Variants in WSCD2 observed in about 807,000 individuals in gnomAD.
WSCD2 encodes the protein sialate:O-sulfotransferase 2.
A neutral mutation model predicts 55.7 loss-of-function variants in WSCD2; 28 were observed. That is an observed-to-expected ratio of 0.50 (90% confidence interval 0.37 to 0.69). The LOEUF is 0.69. Ranked by LOEUF, WSCD2 falls within the 30% of genes least tolerant of loss-of-function variation. WSCD2 has a pLI of 0.00. For synonymous variants in WSCD2, 301 were observed against 301.9 expected (o/e 1.00, Z 0.03); for missense variants, 616 against 762.1 (o/e 0.81, Z 2.26).
intron 1 of WSCD2, among the ~76,000 whole-genome samples, chr12:108,146,001 GA>G (rs1455426128): frequency 6.6e-6 from 1 of 152,212 alleles, no homozygotes; most frequent in Non-Finnish European, 1.5e-5. Flanking sequence ...CCATCGTCCT[GA>G]AGGTAGTTAC....
intron 7 of WSCD2, among the ~76,000 whole-genome samples, chr12:108,239,558 G>A (rs1198637137): frequency 6.6e-6 from 1 of 152,076 alleles, no homozygotes; most frequent in East Asian, 1.9e-4. Context: ...TCTTGAGACT[G>A]TGCTAAAGAC....
At chr12:108,189,162 A>G (rs1882872870) in intron 1 of WSCD2, among the ~76,000 whole-genome samples, 2 of 152,368 alleles carry the variant, frequency 1.3e-5, no homozygotes, top group South Asian at 4.1e-4. Flanking sequence ...GGAATCAACT[A>G]TTCCAAGAAA....
At chr12:108,246,200 G>T (rs1214996639) in intron 8 of WSCD2, among the ~76,000 whole-genome samples, 4 of 152,214 alleles carry the variant, frequency 2.6e-5, no homozygotes, top group African/African-American at 9.7e-5. Flanking sequence ...CCCTGGTGAG[G>T]AGCAGACAGT....
In WSCD2 at chr12:108,164,138, C is replaced by CTTTT; in HGVS notation, c.-551-31144_-551-31143insTTTT. On this transcript the variant is annotated intron_variant, in intron 1 of 8. Coordinates refer to ENST00000547525, the MANE Select transcript of WSCD2 (RefSeq NM_014653.4). ...TTTATACTGTTGTTTAATCTTAAAT[C>CTTTT]CTTTTTTTTTTTTTTTTTTTTTTTC... is the stretch of plus-strand genomic sequence containing the variant. 3.8e-3 allele frequency among the ~76,000 whole-genome samples: 276 copies of CTTTT among 71,730 alleles called. 90 individuals carry two copies. Among genetic ancestry groups the CTTTT allele is most frequent in the African/African-American group, 0.01 (212 of 20,388 alleles). The allele number at this position is 71,730 out of a possible 152,430, so 47.1% of individuals were successfully genotyped here.
intron 1 of WSCD2, among the ~76,000 whole-genome samples, chr12:108,186,429 C>T (rs1055426821): frequency 6.6e-6 from 1 of 152,124 alleles, no homozygotes; most frequent in African/African-American, 2.4e-5. Context: ...TAGGTTTGGA[C>T]AAATGTATAA....
intron 4 of WSCD2, among the ~76,000 whole-genome samples, chr12:108,221,001 T>C (rs1320900130): frequency 1.3e-5 from 2 of 152,194 alleles, no homozygotes; most frequent in East Asian, 3.8e-4. Flanking sequence ...AGTTTTCTCA[T>C]CTGTGAGATG....
chr12:108,165,605 G>C (rs1879524248), intron 1 of WSCD2, among the ~76,000 whole-genome samples: 1 of 152,158 alleles, frequency 6.6e-6, no homozygotes, highest in Admixed American at 6.5e-5. Context: ...TTCTATATGG[G>C]ACCCTCCCAT....
rs373987866 is a variant in WSCD2 at position 108,188,110 on chromosome 12, CT to C, written c.-551-7169del. ...GTTAAAGGCCATTAAGCTAATGGCA[CT>C]TTGCCTTCTCATTTATTTTCTTGAG... On this transcript the variant is annotated intron_variant, in intron 1 of 8. Coordinates refer to ENST00000547525, the MANE Select transcript of WSCD2 (RefSeq NM_014653.4). 4.8e-3 allele frequency among the ~76,000 whole-genome samples: 733 copies of C among 152,238 alleles called. 2 individuals carry two copies. The highest frequency in any genetic ancestry group is 0.011 in the Admixed American group (163 of 15,294).
chr12:108,186,706 A>G (rs903636105), intron 1 of WSCD2, among the ~76,000 whole-genome samples: 12 of 152,048 alleles, frequency 7.9e-5, no homozygotes, highest in African/African-American at 2.9e-4. Context: ...GGATGTACAT[A>G]CTCCTTTGGG....
At chr12:108,153,092 G>C (rs1251642445) in intron 1 of WSCD2, among the ~76,000 whole-genome samples, 1 of 108,786 alleles carries the variant, frequency 9.2e-6, no homozygotes, top group Non-Finnish European at 2.1e-5. Flanking sequence ...GACAGAGTGA[G>C]ACTCTGTCTC....
chr12:108,211,723 G>A (rs1194901267), intron 4 of WSCD2, among the ~76,000 whole-genome samples: 1 of 150,058 alleles, frequency 6.7e-6, no homozygotes, highest in African/African-American at 2.5e-5. Context: ...GTGTGATCTT[G>A]GCTCATTGCA....
intron 1 of WSCD2, among the ~76,000 whole-genome samples, chr12:108,139,831 ACT>A (rs1565911617): frequency 6.6e-6 from 1 of 152,022 alleles, no homozygotes; most frequent in Non-Finnish European, 1.5e-5. Flanking sequence ...AATAACAGAA[ACT>A]CTCTCACACT....
chr12:108,170,483 G>GC (rs1421291100), intron 1 of WSCD2, among the ~76,000 whole-genome samples: 7 of 152,018 alleles, frequency 4.6e-5, no homozygotes, highest in African/African-American at 1.2e-4. Context: ...AAAATCTATC[G>GC]CCCAGTACTC....
intron 1 of WSCD2, among the ~76,000 whole-genome samples, chr12:108,169,587 C>T (rs1880016516): frequency 6.6e-6 from 1 of 152,208 alleles, no homozygotes; most frequent in East Asian, 1.9e-4. Context: ...TTGGCTCTCT[C>T]TGCTTCCCGC....
At chr12:108,178,491 G>A (rs1565937831) in intron 1 of WSCD2, among the ~76,000 whole-genome samples, 2 of 152,164 alleles carry the variant, frequency 1.3e-5, no homozygotes, top group Non-Finnish European at 2.9e-5. Context: ...CTATACATCA[G>A]ATACTTTACC....
intron 1 of WSCD2, among the ~76,000 whole-genome samples, chr12:108,181,123 A>G (rs1881679381): frequency 6.6e-6 from 1 of 152,162 alleles, no homozygotes; most frequent in African/African-American, 2.4e-5. Flanking sequence ...TGTGCTATCT[A>G]TGAGAAATGA....
chr12:108,238,744 C>T (rs979209226), intron 7 of WSCD2, among the ~76,000 whole-genome samples: 1 of 152,170 alleles, frequency 6.6e-6, no homozygotes, highest in Non-Finnish European at 1.5e-5. Context: ...ATCTTGAAGG[C>T]TTACTACAAT....
intron 1 of WSCD2, among the ~76,000 whole-genome samples, chr12:108,146,173 C>T (rs1271810896): frequency 2.0e-5 from 3 of 151,944 alleles, no homozygotes; most frequent in Admixed American, 6.5e-5. Context: ...TTTATGTTAT[C>T]TTCTGTATTG....
intron 4 of WSCD2, among the ~76,000 whole-genome samples, chr12:108,219,508 G>A (rs1328108847): frequency 6.6e-6 from 1 of 152,058 alleles, no homozygotes; most frequent in Non-Finnish European, 1.5e-5. Context: ...ATGTCCCACT[G>A]CCCAAACAAT....
Sources: allele counts gnomAD v4.1 joint callset (sites outside exome capture counted in the v4.1 genomes callset), GRCh38; gene constraint gnomAD v4.1.1; transcripts MANE v1.5; gene names NCBI Gene and HGNC (gene_info 2026-07-23, HGNC 2026-07-21).